TBC1D19: variants seen among roughly 807,000 people sequenced by gnomAD.
TBC1D19 encodes TBC1 domain family member 19.
TBC1D19 carries 60 observed loss-of-function variants against 89.0 expected under a neutral mutation model. The ratio of observed to expected loss-of-function variants is 0.67; its 90% CI spans 0.55 to 0.84. The LOEUF (loss-of-function observed/expected upper bound fraction) is 0.84. Ranked by LOEUF, TBC1D19 falls within the 40% of genes least tolerant of loss-of-function variation. The pLI is 0.00. For synonymous variants in TBC1D19, 189 were observed against 199.7 expected (o/e 0.95, Z 0.45); for missense variants, 500 against 610.8 (o/e 0.82, Z 1.91).
At chr4:26,849,892 T>C in the TBC1D19 span, among the ~76,000 whole-genome samples, 2 of 152,226 alleles carry the variant, frequency 1.3e-5, no homozygotes, top group Non-Finnish European at 2.9e-5. Flanking sequence ...TTATTTTTTA[T>C]AGCCAACTTA....
chr4:26,828,893 T>C, the TBC1D19 span, among the ~76,000 whole-genome samples: 1 of 152,254 alleles, frequency 6.6e-6, no homozygotes, highest in Non-Finnish European at 1.5e-5. Context: ...TTTACTGGAC[T>C]GTTTTAGATG....
the TBC1D19 span, among the ~76,000 whole-genome samples, chr4:26,787,517 C>T: frequency 3.9e-5 from 6 of 152,064 alleles, no homozygotes; most frequent in Non-Finnish European, 5.9e-5. Flanking sequence ...AGGAAAAGGG[C>T]GGTCTCTGAC....
intron 7 of TBC1D19, among the ~76,000 whole-genome samples, chr4:26,654,427 C>T (rs1226833690): frequency 6.6e-6 from 1 of 152,120 alleles, no homozygotes; most frequent in Non-Finnish European, 1.5e-5. Context: ...GCCTGCCTTG[C>T]TAGATTGAGG....
intron 15 of TBC1D19, among the ~76,000 whole-genome samples, chr4:26,735,089 TAC>T (rs1578000396): frequency 6.6e-6 from 1 of 151,086 alleles, no homozygotes; most frequent in East Asian, 1.9e-4. Flanking sequence ...TATATATGTA[TAC>T]ACATGTATAT....
At chr4:26,775,631 A>T in the TBC1D19 span, among the ~76,000 whole-genome samples, 6 of 152,132 alleles carry the variant, frequency 3.9e-5, no homozygotes, top group Admixed American at 2.6e-4. Context: ...TCCTCTCCAA[A>T]TGCCAACACC....
chr4:26,697,418 A>C (rs184121273), intron 13 of TBC1D19, among the ~76,000 whole-genome samples: 261 of 152,282 alleles, frequency 1.7e-3, no homozygotes, highest in African/African-American at 6.1e-3. Context: ...TTCATAGCCG[A>C]ATTCTACCAG....
At chr4:26,748,619 T>C in intron 19 of TBC1D19, 93 bp downstream of exon 19, 1 of 922,550 alleles carries the variant, frequency 1.1e-6, no homozygotes. Flanking sequence ...TGGAATTTAT[T>C]TGTCACTTCT....
At chr4:26,845,775 AGAG>A in the TBC1D19 span, among the ~76,000 whole-genome samples, 1 of 152,234 alleles carries the variant, frequency 6.6e-6, no homozygotes, top group African/African-American at 2.4e-5. Flanking sequence ...GTGGCAGGCA[AGAG>A]GAGAATGAGG....
At chr4:26,853,938 G>A in the TBC1D19 span, among the ~76,000 whole-genome samples, 6 of 152,186 alleles carry the variant, frequency 3.9e-5, no homozygotes, top group Non-Finnish European at 7.3e-5. Context: ...CAGACTTTCT[G>A]TTTTCCTTCG....
At chr4:26,648,731 T>A (rs1444894915) in intron 7 of TBC1D19, among the ~76,000 whole-genome samples, 1 of 152,214 alleles carries the variant, frequency 6.6e-6, no homozygotes, top group Non-Finnish European at 1.5e-5. Flanking sequence ...AAAAACTGCC[T>A]TTATGATGAT....
chr4:26,659,817 T>G, intron 8 of TBC1D19, 110 bp downstream of exon 8: 1 of 570,932 alleles, frequency 1.8e-6, no homozygotes, highest in Non-Finnish European at 2.8e-6. Context: ...TTAAACAAAT[T>G]AATAAAGTGA....
At chr4:26,757,423 T>C (rs1005612663), downstream of TBC1D19, among the ~76,000 whole-genome samples, 6 of 152,180 alleles carry the variant, frequency 3.9e-5, no homozygotes, top group African/African-American at 1.4e-4. Flanking sequence ...CCTTCACATC[T>C]GCTCTGCCAG....
At chr4:26,736,671 T>C (rs1203690592) in intron 16 of TBC1D19, among the ~76,000 whole-genome samples, 1 of 152,204 alleles carries the variant, frequency 6.6e-6, no homozygotes, top group Non-Finnish European at 1.5e-5. Context: ...ATTCCTAAGG[T>C]AATTCTCTTA....
At chr4:26,825,505 C>A in the TBC1D19 span, among the ~76,000 whole-genome samples, 9 of 152,122 alleles carry the variant, frequency 5.9e-5, no homozygotes, top group African/African-American at 1.9e-4. Context: ...AATTTTTCAA[C>A]ATTAAGAAAA....
At chr4:26,750,957 CT>C (rs757513459) in intron 19 of TBC1D19, among the ~76,000 whole-genome samples, 2 of 152,036 alleles carry the variant, frequency 1.3e-5, no homozygotes, top group Non-Finnish European at 2.9e-5. Context: ...TAATTAGAGC[CT>C]TTTGAAGAAC....
chr4:26,733,565 T>G (rs980065174), intron 15 of TBC1D19, among the ~76,000 whole-genome samples: 6 of 152,232 alleles, frequency 3.9e-5, no homozygotes, highest in African/African-American at 1.4e-4. Flanking sequence ...GGTTGCTGAT[T>G]AATGCATTGA....
At chr4:26,740,327 A>G (rs34837351) in intron 17 of TBC1D19, among the ~76,000 whole-genome samples, 55,537 of 151,980 alleles carry the variant, frequency 0.37, 11,449 homozygotes, top group Non-Finnish European at 0.47. Flanking sequence ...AGTGCTGTAG[A>G]AAAGTCTACA....
chr4:26,738,220 A>G (rs542531266), intron 16 of TBC1D19, among the ~76,000 whole-genome samples: 27 of 151,524 alleles, frequency 1.8e-4, no homozygotes, highest in African/African-American at 6.3e-4. Context: ...AATTTCTTTT[A>G]TATTTTATGT....
intron 16 of TBC1D19, among the ~76,000 whole-genome samples, chr4:26,737,945 G>T (rs763327220): frequency 1.9e-4 from 29 of 151,904 alleles, no homozygotes; most frequent in Non-Finnish European, 3.4e-4. Flanking sequence ...TATTTATGCA[G>T]ATTAATGAAG....
Sources: gnomAD v4.1 joint callset for allele counts (sites outside exome capture counted in the v4.1 genomes callset) on GRCh38, gnomAD v4.1.1 for gene constraint, MANE v1.5 for transcripts, NCBI Gene and HGNC (gene_info 2026-07-23, HGNC 2026-07-21) for gene names.